The following SYNPR variants were observed in gnomAD, a reference collection of about 807,000 sequenced individuals.
SYNPR encodes synaptoporin.
Under a neutral mutation model 32.9 loss-of-function variants are expected in SYNPR, and 23 were observed. The ratio of observed to expected loss-of-function variants is 0.70; its 90% CI spans 0.50 to 0.99. The LOEUF (loss-of-function observed/expected upper bound fraction) is 0.99, where lower values mean the gene tolerates loss of function less well. SYNPR is among the 50% of genes least tolerant of loss of function. The pLI, the probability that SYNPR is intolerant of heterozygous loss-of-function variation, is 0.00. For synonymous variants in SYNPR, 146 were observed against 135.9 expected (o/e 1.07, Z -0.52); for missense variants, 318 against 349.3 (o/e 0.91, Z 0.71).
chr3:63,272,762 A>G (rs1171369068), intron 3 of SYNPR, among the ~76,000 whole-genome samples: 1 of 152,028 alleles, frequency 6.6e-6, no homozygotes, highest in Non-Finnish European at 1.5e-5. Context: ...CTGCTATATA[A>G]ATGGTCAGGG....
chr3:63,494,466 T>C (rs71619290), intron 3 of SYNPR, among the ~76,000 whole-genome samples: 6 of 122,828 alleles, frequency 4.9e-5, no homozygotes, highest in African/African-American at 1.3e-4. Context: ...TATACATATA[T>C]ACACATATAT....
intron 2 of SYNPR, among the ~76,000 whole-genome samples, chr3:63,365,163 C>T (rs1184314981): frequency 1.3e-5 from 2 of 152,234 alleles, no homozygotes; most frequent in South Asian, 2.1e-4. Context: ...CTAATGTCAG[C>T]TGAAGTGCAG....
chr3:63,218,101 C>A, the SYNPR span, among the ~76,000 whole-genome samples: 1 of 152,034 alleles, frequency 6.6e-6, no homozygotes, highest in African/African-American at 2.4e-5. Flanking sequence ...CCATTGCACA[C>A]CAGCCTGAGT....
intron 4 of SYNPR, among the ~76,000 whole-genome samples, chr3:63,595,610 C>G (rs1699918699): frequency 6.7e-6 from 1 of 148,240 alleles, no homozygotes; most frequent in African/African-American, 2.5e-5. Context: ...GTAATATCTG[C>G]TTCATAGAGT....
intron 3 of SYNPR, among the ~76,000 whole-genome samples, chr3:63,542,659 G>A (rs1702327845): frequency 1.3e-5 from 2 of 152,078 alleles, no homozygotes; most frequent in African/African-American, 4.8e-5. Context: ...GAATATCTAG[G>A]CAGTTTTAGT....
At position 63,616,475 on chromosome 3, in the gene SYNPR, A is replaced by G. The variant is rs1700280073; in HGVS notation, c.*994A>G. 1 of 152,634 alleles carries G rather than the reference A, an allele frequency of 6.6e-6. No homozygotes were observed. Among genetic ancestry groups the G allele is most frequent in the South Asian group, 2.1e-4 (1 of 4,826 alleles). The allele number at this position is 152,634 out of a possible 1,614,324, so 9.5% of individuals were successfully genotyped here. A position where few individuals can be genotyped will look rare whatever the true frequency, so the allele number is the denominator to read the frequency against. ...CTGTAGAACCTCTACTACCAGCTAT[A>G]TTTTTAAATCCTGTTTATTTGTAAA... On this transcript the variant is annotated 3_prime_UTR_variant, in exon 6 of 6. Transcript: ENST00000478300.
intron 3 of SYNPR, among the ~76,000 whole-genome samples, chr3:63,524,376 T>A (rs562300613): frequency 6.6e-6 from 1 of 152,310 alleles, no homozygotes; most frequent in African/African-American, 2.4e-5. Context: ...CTGCAGGGCA[T>A]GTGCTACCCA....
chr3:63,319,317 G>C (rs1560190843), intron 2 of SYNPR, among the ~76,000 whole-genome samples: 1 of 151,950 alleles, frequency 6.6e-6, no homozygotes, highest in African/African-American at 2.4e-5. Flanking sequence ...GACTATTTTG[G>C]TTATTATAGC....
intron 3 of SYNPR, among the ~76,000 whole-genome samples, chr3:63,496,860 C>A (rs981746133): frequency 6.6e-6 from 1 of 152,080 alleles, no homozygotes; most frequent in Non-Finnish European, 1.5e-5. Flanking sequence ...GATTTACTAA[C>A]TGATGCAACT....
chr3:63,453,602 C>T (rs1189405346), intron 2 of SYNPR, among the ~76,000 whole-genome samples: 1 of 152,108 alleles, frequency 6.6e-6, no homozygotes, highest in Admixed American at 6.6e-5. Flanking sequence ...CATTAAATGA[C>T]ATCTAAACTT....
the SYNPR span, among the ~76,000 whole-genome samples, chr3:63,207,088 T>A: frequency 6.6e-6 from 1 of 152,210 alleles, no homozygotes; most frequent in South Asian, 2.1e-4. Context: ...TGTGCAGTAT[T>A]TTCTGGTAAA....
chr3:63,549,146 G>A (rs1423896070), intron 3 of SYNPR, among the ~76,000 whole-genome samples: 2 of 152,178 alleles, frequency 1.3e-5, no homozygotes, highest in African/African-American at 4.8e-5. Flanking sequence ...AAATTAGCAA[G>A]TTTTTAATGG....
chr3:63,500,487 T>A (rs1014676303), intron 3 of SYNPR, among the ~76,000 whole-genome samples: 1 of 152,088 alleles, frequency 6.6e-6, no homozygotes, highest in African/African-American at 2.4e-5. Flanking sequence ...ACAAGGTGAT[T>A]ACAGATCAAA....
intron 3 of SYNPR, among the ~76,000 whole-genome samples, chr3:63,519,908 C>G (rs34742962): frequency 0.21 from 31,829 of 151,824 alleles, 3,436 homozygotes; most frequent in Middle Eastern, 0.28. Context: ...TTCACATCAC[C>G]CTGAGATAAC....
chr3:63,515,406 T>A lies in SYNPR; in HGVS notation c.209+34450T>A, dbSNP rs1575686394. Among the ~76,000 whole-genome samples, 3 of 152,252 alleles carry A rather than the reference T, an allele frequency of 2.0e-5. No homozygotes were observed. The South Asian group carries it at 6.2e-4, about 32-fold the overall frequency. On this transcript the variant is annotated intron_variant, in intron 3 of 5. Transcript: ENST00000478300. ...ACAACTTTGAAGACACTAGGTGCTA[T>A]CCTGGTGCTAAGTGGAATTGTCATA...
At chr3:63,326,418 A>T (rs1282359677) in intron 2 of SYNPR, among the ~76,000 whole-genome samples, 1 of 152,146 alleles carries the variant, frequency 6.6e-6, no homozygotes, top group Non-Finnish European at 1.5e-5. Context: ...CAATAAGTCT[A>T]CTTTATTCTT....
intron 2 of SYNPR, among the ~76,000 whole-genome samples, chr3:63,354,406 A>G (rs181112063): frequency 6.6e-6 from 1 of 152,196 alleles, no homozygotes; most frequent in African/African-American, 2.4e-5. Context: ...CAAAGCCTTT[A>G]TAATTCATCA....
At chr3:63,261,456 T>C (rs1038626638) in intron 2 of SYNPR, among the ~76,000 whole-genome samples, 3 of 150,484 alleles carry the variant, frequency 2.0e-5, no homozygotes, top group African/African-American at 4.9e-5. Flanking sequence ...CTCAGTAAAC[T>C]ATTGCAAGAA....
intron 2 of SYNPR, among the ~76,000 whole-genome samples, chr3:63,418,043 C>T (rs1162103036): frequency 6.6e-6 from 1 of 152,188 alleles, no homozygotes; most frequent in East Asian, 1.9e-4. Flanking sequence ...TTCTTTCTAT[C>T]ATATTGTCAG....
Sources: gnomAD v4.1 joint callset for allele counts (sites outside exome capture counted in the v4.1 genomes callset) on GRCh38, gnomAD v4.1.1 for gene constraint, MANE v1.5 for transcripts, NCBI Gene and HGNC (gene_info 2026-07-23, HGNC 2026-07-21) for gene names.